HPS3: variants seen among roughly 807,000 people sequenced by gnomAD.
HPS3 encodes BLOC-2 complex member HPS3.
In HPS3, 79 loss-of-function variants were observed where a neutral mutation model predicts 110.9. The observed-to-expected ratio is 0.71, with a 90% CI of 0.59 to 0.86. The LOEUF (loss-of-function observed/expected upper bound fraction) is 0.86, where lower values mean the gene tolerates loss of function less well. Ranked by LOEUF, HPS3 falls within the 40% of genes least tolerant of loss-of-function variation. HPS3 has a pLI of 0.00. For synonymous variants in HPS3, 428 were observed against 451.0 expected, an observed-to-expected ratio of 0.95 and a Z score of 0.65; for missense variants, 1,197 against 1,206.2, an observed-to-expected ratio of 0.99 and a Z score of 0.11.
chr3:149,145,264 T>C, intron 4 of HPS3, 90 bp from the exon 5 acceptor site: 1 of 988,922 alleles, frequency 1.0e-6, no homozygotes, highest in Non-Finnish European at 1.6e-6. Context: ...TACCCACTGA[T>C]ACAGTTTGCA....
intron 12 of HPS3, 45 bp downstream of exon 12, chr3:149,162,378 A>G (rs745752603): frequency 6.4e-7 from 1 of 1,553,404 alleles, no homozygotes; most frequent in Non-Finnish European, 8.9e-7. Flanking sequence ...GCCTCATTAA[A>G]TTGGTGGTGG....
At chr3:149,132,772 A>G (rs1721852475) in intron 1 of HPS3, among the ~76,000 whole-genome samples, 1 of 152,270 alleles carries the variant, frequency 6.6e-6, no homozygotes, top group Non-Finnish European at 1.5e-5. Flanking sequence ...TCTGGAAAGA[A>G]TTCACTCTTT....
At chr3:149,158,009 G>T (rs1028606012) in intron 9 of HPS3, among the ~76,000 whole-genome samples, 21 of 152,106 alleles carry the variant, frequency 1.4e-4, no homozygotes, top group African/African-American at 5.1e-4. Context: ...ATACTACCTT[G>T]TTAAACAGCT....
chr3:149,158,576 T>G, intron 9 of HPS3, 90 bp from the exon 10 acceptor site: 2 of 1,190,892 alleles, frequency 1.7e-6, no homozygotes, highest in Non-Finnish European at 2.5e-6. Flanking sequence ...TCACTTGAGG[T>G]CAGGAGTTTG....
intron 12 of HPS3, 87 bp downstream of exon 12, chr3:149,162,420 A>T: frequency 7.8e-7 from 1 of 1,278,496 alleles, no homozygotes; most frequent in South Asian, 1.2e-5. Flanking sequence ...TGAGTTTTTC[A>T]TTTGTTTGTT....
chr3:149,130,454 G>A (rs1180550421), intron 1 of HPS3: 2 of 159,082 alleles, frequency 1.3e-5, no homozygotes, highest in Non-Finnish European at 2.8e-5. Flanking sequence ...TTAAATGTGT[G>A]TAAGTAGAAC....
In HPS3 at chr3:149,166,777, T is replaced by A. The variant is rs557057487; in HGVS notation, c.2590-257T>A. Among the ~76,000 whole-genome samples, 14 of 152,310 alleles carry A rather than the reference T, an allele frequency of 9.2e-5. 1 individual carries two copies. Among genetic ancestry groups the A allele is most frequent in the African/African-American group, 3.4e-4 (14 of 41,568 alleles). On this transcript the variant is annotated intron_variant, in intron 14 of 16. Transcript: ENST00000296051. ...AATGCCCATTGGTTTTAATTTGCAG[T>A]CCACACAAAGCAAATAAAATCATGT...
chr3:149,148,165 G>A (rs1181751925), intron 5 of HPS3, among the ~76,000 whole-genome samples: 4 of 151,970 alleles, frequency 2.6e-5, no homozygotes, highest in East Asian at 1.9e-4. Context: ...GAGCTACTGC[G>A]CCCGGCCCAT....
At chr3:149,169,152 T>TACA (rs1724732024) in intron 16 of HPS3, among the ~76,000 whole-genome samples, 1 of 152,122 alleles carries the variant, frequency 6.6e-6, no homozygotes, top group African/African-American at 2.4e-5. Flanking sequence ...TTTTTCAAGC[T>TACA]ACACATTCCT....
chr3:149,166,889 G>A (rs536339507), intron 14 of HPS3, 145 bp from the exon 15 acceptor site: 1 of 675,890 alleles, frequency 1.5e-6, no homozygotes, highest in South Asian at 1.6e-5. Context: ...TATTAAATAA[G>A]GACCACGTGC....
intron 1 of HPS3, among the ~76,000 whole-genome samples, chr3:149,135,768 G>T (rs933911096): frequency 6.6e-6 from 1 of 152,024 alleles, no homozygotes; most frequent in African/African-American, 2.4e-5. Context: ...CTTGTTTATG[G>T]GGTGTCTAGG....
chr3:149,147,855 TTAA>T (rs1386434944), intron 5 of HPS3, among the ~76,000 whole-genome samples: 2 of 152,220 alleles, frequency 1.3e-5, no homozygotes. Context: ...ATTCAGATTC[TTAA>T]TAAGAATCTC....
At chr3:149,145,790 G>T (rs1462651428) in intron 5 of HPS3, among the ~76,000 whole-genome samples, 2 of 152,116 alleles carry the variant, frequency 1.3e-5, no homozygotes, top group Non-Finnish European at 2.9e-5. Flanking sequence ...GAAGTATAAG[G>T]TTCTTCATAA....
Position 149,141,292 on chromosome 3 carries a change from C to G in HPS3, c.885-3C>G. 6.2e-7 allele frequency: 1 copy of G among 1,612,858 alleles called. No homozygotes were observed. The highest frequency in any genetic ancestry group is 2.2e-5 in the East Asian group (1 of 44,794). ...CCCTTTCTCTGTCTTTTTAAACCCA[C>G]AGACGTTTTGCTCCTGATATTTCGT... On this transcript the variant is annotated splice_region_variant and splice_polypyrimidine_tract_variant and intron_variant, in intron 3 of 16. Coordinates refer to ENST00000296051, the MANE Select transcript of HPS3 (RefSeq NM_032383.5).
At chr3:149,165,434 G>A (rs1393297851) in intron 14 of HPS3, among the ~76,000 whole-genome samples, 2 of 151,964 alleles carry the variant, frequency 1.3e-5, no homozygotes, top group Non-Finnish European at 2.9e-5. Context: ...TATTAAAGGA[G>A]CAAAATCTTT....
At chr3:149,161,389 A>G (rs1723804696) in intron 11 of HPS3, among the ~76,000 whole-genome samples, 1 of 151,898 alleles carries the variant, frequency 6.6e-6, no homozygotes, top group Non-Finnish European at 1.5e-5. Flanking sequence ...TCATCTCTAT[A>G]TTACTTATAA....
rs751176902 is a variant in HPS3 at position 149,157,504 on chromosome 3, G to C, written c.1664G>C (p.Cys555Ser). ...AELLEAFKES[C>S]GHLGDCYSRL... ...CTTTTGGAAGCATTTAAGGAAAGCT[G>C]TGGGCACCTTGGGGACTGTTACAGC... Residue 555 changes from cysteine (C) to serine (S), a missense_variant, in exon 9 of 17, where the codon TGT becomes TCT. Transcript: ENST00000296051. 1.2e-6 allele frequency: 2 copies of C among 1,613,734 alleles called. No individual in the cohort carries two copies.
intron 2 of HPS3, 76 bp downstream of exon 2, chr3:149,140,574 T>C: frequency 7.0e-7 from 1 of 1,438,458 alleles, no homozygotes; most frequent in Non-Finnish European, 9.7e-7. Flanking sequence ...TGAAGGTCTG[T>C]GGTATATATG....
intron 6 of HPS3, among the ~76,000 whole-genome samples, chr3:149,151,197 A>T (rs1269337526): frequency 8.7e-5 from 12 of 138,168 alleles, no homozygotes; most frequent in South Asian, 2.5e-4. Context: ...TATTATTATT[A>T]TTATTATTTT....
Sources: allele counts gnomAD v4.1 joint callset (sites outside exome capture counted in the v4.1 genomes callset), GRCh38; gene constraint gnomAD v4.1.1; transcripts MANE v1.5; gene names NCBI Gene and HGNC (gene_info 2026-07-23, HGNC 2026-07-21).